Variants in DPH5 observed in about 807,000 individuals in gnomAD.
DPH5 encodes diphthamide biosynthesis 5, also known as diphthine methyl ester synthase.
A neutral mutation model predicts 31.6 loss-of-function variants in DPH5; 31 were observed. The observed-to-expected ratio is 0.98, with a 90% CI of 0.74 to 1.32. The LOEUF is 1.32. DPH5 is among the 40% of genes most tolerant of loss of function. The pLI, the probability that DPH5 is intolerant of heterozygous loss-of-function variation, is 0.00. For synonymous variants in DPH5, 120 were observed against 115.0 expected, an observed-to-expected ratio of 1.04 and a Z score of -0.28; for missense variants, 309 against 335.7, an observed-to-expected ratio of 0.92 and a Z score of 0.62.
Position 101,013,764 on chromosome 1 carries a change from A to C in DPH5, c.315T>G (p.Tyr105Ter). 6.2e-7 allele frequency: 1 copy of C among 1,613,326 alleles called. No homozygotes were observed. Among genetic ancestry groups the C allele is most frequent in the Non-Finnish European group, 8.5e-7 (1 of 1,179,560 alleles). Residue 105 changes from tyrosine (Y) to a stop codon, truncating the protein, a stop_gained, in exon 4 of 8, where the codon TAT becomes TAG. Coordinates refer to ENST00000370109, the MANE Select transcript of DPH5 (RefSeq NM_015958.3). LOFTEE classifies it high-confidence loss of function. ...TTATGGAGGCATTGTGAATAACTCT[A>C]TAAGGAATTCCCAGCTTTGTTGCTC... is the stretch of plus-strand genomic sequence containing the variant. ...VLRATKLGIP[Y>*]RVIHNASIMN...
At chr1:101,016,172 G>T (rs778006132) in intron 3 of DPH5, among the ~76,000 whole-genome samples, 6 of 151,934 alleles carry the variant, frequency 3.9e-5, no homozygotes, top group Non-Finnish European at 8.8e-5. Flanking sequence ...GACCAACACG[G>T]TGAAACCCCG....
intron 4 of DPH5, 117 bp downstream of exon 4, chr1:101,013,593 G>A: frequency 1.4e-6 from 1 of 700,228 alleles, no homozygotes; most frequent in East Asian, 2.8e-5. Context: ...AAGCAGCCTA[G>A]TATCAAATAG....
At chr1:100,995,563 C>T (rs1054295834) in intron 5 of DPH5, 1 of 157,558 alleles carries the variant, frequency 6.3e-6, no homozygotes, top group African/African-American at 2.4e-5. Context: ...AAGTCTTTTG[C>T]TTTCTGACGA....
Position 101,021,684 on chromosome 1 carries a change from C to T in DPH5, c.217G>A (p.Asp73Asn). 6.2e-7 allele frequency: 1 copy of T among 1,613,964 alleles called. No individual in the cohort carries two copies. Among genetic ancestry groups the T allele is most frequent in the Non-Finnish European group, 8.5e-7 (1 of 1,179,908 alleles). Reference sequence around the variant, plus strand: ...ACAAGGAATGCAACATCACTGATATCAGCATCCTTTAAAATATTATCTGCT... The same window carrying T: ...ACAAGGAATGCAACATCACTGATATTAGCATCCTTTAAAATATTATCTGCT... ...QEADNILKDA[D>N]ISDVAFLVVG... Residue 73 changes from aspartate (D) to asparagine (N), a missense_variant, in exon 3 of 8, where the codon GAT becomes AAT. Physicochemically the swap from Asp to Asn is conservative, Grantham distance 23. Transcript: ENST00000370109.
intron 5 of DPH5, chr1:100,995,406 G>A (rs562194719): frequency 1.0e-4 from 37 of 367,432 alleles, no homozygotes; most frequent in African/African-American, 6.9e-4. Flanking sequence ...ACAAGGGAAA[G>A]AATTAGATAA....
intron 2 of DPH5, among the ~76,000 whole-genome samples, chr1:101,022,525 TTTC>T (rs375227840): frequency 1.5e-3 from 224 of 152,316 alleles, no homozygotes; most frequent in African/African-American, 5.0e-3. Context: ...CATGAATCCT[TTTC>T]TTTTTTTTCA....
In DPH5 at chr1:101,010,762, C is replaced by A. The variant is rs1659568210; in HGVS notation, c.369+2948G>T. ...AGAGCATGGCAAGATAACCTCTCAA[C>A]ATCCTACATTTAACAAGTGTATACT... On this transcript the variant is annotated intron_variant, in intron 4 of 7. Coordinates refer to ENST00000370109, the MANE Select transcript of DPH5 (RefSeq NM_015958.3). 2.0e-5 allele frequency among the ~76,000 whole-genome samples: 3 copies of A among 152,164 alleles called. No homozygotes were observed. The South Asian group carries it at 6.2e-4, about 31-fold the overall frequency.
intron 4 of DPH5, among the ~76,000 whole-genome samples, chr1:101,009,387 C>T (rs975528155): frequency 6.6e-6 from 1 of 152,132 alleles, no homozygotes; most frequent in Admixed American, 6.5e-5. Flanking sequence ...TTTGGGGGTA[C>T]AAACCATAAT....
At chr1:100,998,087 T>C in intron 5 of DPH5, among the ~76,000 whole-genome samples, 1 of 152,154 alleles carries the variant, frequency 6.6e-6, no homozygotes, top group East Asian at 1.9e-4. Context: ...AAGCACTAAA[T>C]CACACTGGCA....
At chr1:101,020,474 G>C (rs1336563948) in intron 3 of DPH5, among the ~76,000 whole-genome samples, 1 of 151,674 alleles carries the variant, frequency 6.6e-6, no homozygotes, top group African/African-American at 2.4e-5. Context: ...AGGTTTCCTA[G>C]GGCCATCCTA....
Position 101,014,005 on chromosome 1 carries a change from C to T in DPH5, c.261-187G>A, listed in dbSNP as rs115144210. Among the ~76,000 whole-genome samples, 691 of 152,290 alleles carry T rather than the reference C, an allele frequency of 4.5e-3. 4 individuals carry two copies. The highest frequency in any genetic ancestry group is 0.016 in the African/African-American group (658 of 41,558). The stretch of plus-strand genomic sequence containing the variant: ...AAAATGCAAGACTAAACATGCCCTT[C>T]AAAATGCTGAGTTGCTACTGTAACA... On this transcript the variant is annotated intron_variant, in intron 3 of 7. Transcript: ENST00000370109.
At chr1:101,017,929 G>A (rs1158702958) in intron 3 of DPH5, among the ~76,000 whole-genome samples, 1 of 152,174 alleles carries the variant, frequency 6.6e-6, no homozygotes, top group African/African-American at 2.4e-5. Flanking sequence ...GTTACTTGGT[G>A]AGTTATTTAA....
At chr1:101,014,524 G>A (rs557396755) in intron 3 of DPH5, among the ~76,000 whole-genome samples, 154 of 152,310 alleles carry the variant, frequency 1.0e-3, no homozygotes, top group African/African-American at 3.5e-3. Context: ...CCTTCAGTGA[G>A]TTTAATCTTT....
chr1:100,991,503 C>T (rs1179230491), intron 7 of DPH5, among the ~76,000 whole-genome samples: 3 of 152,108 alleles, frequency 2.0e-5, no homozygotes, highest in Non-Finnish European at 4.4e-5. Flanking sequence ...TCAAGAATCT[C>T]TTGACTGGGT....
chr1:101,001,474 A>G lies in DPH5; in HGVS notation c.483T>C (p.Cys161=), dbSNP rs763629902. The G allele has an allele frequency of 1.2e-5, 20 of 1,613,048 alleles. No homozygotes were observed. The East Asian group carries it at 4.2e-4, about 34-fold the overall frequency. The change falls in exon 5 of 8, where the codon TGT becomes TGC. Residue 161 remains cysteine, a synonymous_variant. Coordinates refer to ENST00000370109, the MANE Select transcript of DPH5 (RefSeq NM_015958.3). ...KNRQNGMHTL[C]LLDIKVKEQS... is the part of the protein sequence containing the mutation. ...AAATTCCAAAACCCTTACCTAGTAA[A>G]CATAATGTGTGCATGCCATTTTGTC...
chr1:101,013,029 G>A (rs544039437), intron 4 of DPH5, among the ~76,000 whole-genome samples: 2 of 152,268 alleles, frequency 1.3e-5, no homozygotes, highest in South Asian at 4.1e-4. Context: ...CTGAAAATAG[G>A]AATGTGTCTT....
At chr1:101,023,297 T>G (rs1660597013) in intron 2 of DPH5, 1 of 152,196 alleles carries the variant, frequency 6.6e-6, no homozygotes, top group Non-Finnish European at 1.5e-5. Context: ...ACTATCTGCA[T>G]GAACTTAGGC....
chr1:101,005,611 T>C (rs1659171943), intron 4 of DPH5, among the ~76,000 whole-genome samples: 2 of 152,158 alleles, frequency 1.3e-5, no homozygotes, highest in Admixed American at 1.3e-4. Context: ...GTAAATTAAA[T>C]TTTAAAATGA....
chr1:101,025,267 A>C, intron 2 of DPH5, 42 bp downstream of exon 2: 1 of 1,608,030 alleles, frequency 6.2e-7, no homozygotes, highest in Non-Finnish European at 8.5e-7. Flanking sequence ...CAGATGTTAG[A>C]TAGCTTTCTT....
Sources: allele counts gnomAD v4.1 joint callset (sites outside exome capture counted in the v4.1 genomes callset), GRCh38; gene constraint gnomAD v4.1.1; transcripts MANE v1.5; gene names NCBI Gene and HGNC (gene_info 2026-07-23, HGNC 2026-07-21).